ADGRL2: variants seen among roughly 807,000 people sequenced by gnomAD.
The protein encoded by ADGRL2 is adhesion G protein-coupled receptor L2.
ADGRL2 carries 44 observed loss-of-function variants against 157.4 expected under a neutral mutation model. That is an observed-to-expected ratio of 0.28 (90% CI 0.22 to 0.36). ADGRL2 has a LOEUF of 0.36. Ranked by LOEUF, ADGRL2 falls within the 10% of genes least tolerant of loss-of-function variation. The probability of loss-of-function intolerance (pLI) is 1.00; values close to 1 mark genes in which losing one functional copy is unlikely to be tolerated. For synonymous variants in ADGRL2, 585 were observed against 624.7 expected (o/e 0.94, Z 0.95); for missense variants, 1,510 against 1,768.9 (o/e 0.85, Z 2.63).
At chr1:81,324,454 A>C (rs1660744179) in intron 1 of ADGRL2, among the ~76,000 whole-genome samples, 1 of 151,386 alleles carries the variant, frequency 6.6e-6, no homozygotes, top group Admixed American at 6.6e-5. Context: ...GGCTGAAGTG[A>C]GCCATGATTG....
At chr1:81,988,729 T>G (rs1318154830) in intron 23 of ADGRL2, among the ~76,000 whole-genome samples, 1 of 152,156 alleles carries the variant, frequency 6.6e-6, no homozygotes, top group Non-Finnish European at 1.5e-5. Context: ...TGATCACATA[T>G]TTATTGGTCA....
intron 2 of ADGRL2, among the ~76,000 whole-genome samples, chr1:81,767,396 A>G (rs1186637640): frequency 6.6e-6 from 1 of 152,172 alleles, no homozygotes; most frequent in African/African-American, 2.4e-5. Context: ...TTTGCTCCCT[A>G]GAGAATACTT....
intron 1 of ADGRL2, among the ~76,000 whole-genome samples, chr1:81,399,389 C>T (rs1315411658): frequency 6.6e-6 from 1 of 152,166 alleles, no homozygotes; most frequent in Non-Finnish European, 1.5e-5. Flanking sequence ...TTCCATCTTT[C>T]TTCCTTCTAG....
intron 3 of ADGRL2, among the ~76,000 whole-genome samples, chr1:81,624,545 GC>G (rs1358588507): frequency 6.8e-6 from 1 of 148,148 alleles, no homozygotes; most frequent in Non-Finnish European, 1.5e-5. Flanking sequence ...TTGTGCCACT[GC>G]CCCACCCCCC....
At chr1:81,685,348 C>T (rs116191228) in intron 3 of ADGRL2, among the ~76,000 whole-genome samples, 2,872 of 151,404 alleles carry the variant, frequency 0.019, 78 homozygotes, top group African/African-American at 0.066. Context: ...AGAGGTCTTT[C>T]GACTCCTTTG....
At chr1:81,537,556 A>C (rs1448109676) in intron 2 of ADGRL2, among the ~76,000 whole-genome samples, 2 of 151,894 alleles carry the variant, frequency 1.3e-5, no homozygotes, top group Non-Finnish European at 2.9e-5. Flanking sequence ...AAAGTGCTGG[A>C]ATTACAGATG....
chr1:81,645,968 C>T (rs2148820696), intron 3 of ADGRL2, among the ~76,000 whole-genome samples: 1 of 152,204 alleles, frequency 6.6e-6, no homozygotes, highest in South Asian at 2.1e-4. Flanking sequence ...GAGAGATTTC[C>T]ACACTCTAGC....
chr1:81,885,804 T>A (rs1017800618), intron 2 of ADGRL2, among the ~76,000 whole-genome samples: 2 of 152,204 alleles, frequency 1.3e-5, no homozygotes, highest in African/African-American at 4.8e-5. Flanking sequence ...GGGTTGAGAT[T>A]TCCATGAAGT....
Position 81,522,838 on chromosome 1 carries a change from T to C in ADGRL2, c.-247-58038T>C, listed in dbSNP as rs75236463. On this transcript the variant is annotated intron_variant, in intron 2 of 24. Coordinates refer to the ADGRL2 transcript ENST00000370721. ...ATTATCCAGTCCAATAAATTGAGTATACAAATTTTACTCTTACTCAACAAG... is the reference window on the plus strand; with the variant it reads ...ATTATCCAGTCCAATAAATTGAGTACACAAATTTTACTCTTACTCAACAAG... Among the ~76,000 whole-genome samples the C allele has an allele frequency of 6.6e-3, 1,007 of 152,322 alleles. 14 individuals carry two copies. The highest frequency in any genetic ancestry group is 0.023 in the African/African-American group (937 of 41,576).
chr1:81,497,140 A>T (rs565436494), intron 2 of ADGRL2, among the ~76,000 whole-genome samples: 1 of 152,272 alleles, frequency 6.6e-6, no homozygotes, highest in Admixed American at 6.5e-5. Context: ...TTTTGCCATA[A>T]CACTGTGTAG....
At chr1:81,804,231 C>T (rs1274107791) in intron 1 of ADGRL2, among the ~76,000 whole-genome samples, 1 of 152,118 alleles carries the variant, frequency 6.6e-6, no homozygotes, top group African/African-American at 2.4e-5. Context: ...GTCTCTCCCT[C>T]CACCCTTCCA....
chr1:81,840,235 T>G (rs2092512586), intron 2 of ADGRL2, among the ~76,000 whole-genome samples: 1 of 152,104 alleles, frequency 6.6e-6, no homozygotes, highest in African/African-American at 2.4e-5. Context: ...TGACTTTCAG[T>G]AGAAATCAAA....
intron 1 of ADGRL2, among the ~76,000 whole-genome samples, chr1:81,306,816 T>C (rs1659368051): frequency 6.6e-6 from 1 of 152,222 alleles, no homozygotes; most frequent in East Asian, 1.9e-4. Context: ...TTTCTCAGTA[T>C]GTTTTAACTT....
chr1:81,772,412 A>C (rs576806834), intron 2 of ADGRL2, among the ~76,000 whole-genome samples: 1 of 152,120 alleles, frequency 6.6e-6, no homozygotes, highest in Non-Finnish European at 1.5e-5. Context: ...TTTATGTACC[A>C]AGCTATACAA....
chr1:81,810,891 A>G (rs535789839), intron 1 of ADGRL2, among the ~76,000 whole-genome samples: 18 of 152,010 alleles, frequency 1.2e-4, no homozygotes, highest in African/African-American at 4.1e-4. Context: ...AAGGACATAT[A>G]ACTTTTTTGC....
chr1:81,472,655 G>T (rs12726593), intron 2 of ADGRL2, among the ~76,000 whole-genome samples: 1 of 151,804 alleles, frequency 6.6e-6, no homozygotes, highest in South Asian at 2.1e-4. Context: ...GGAAAGGAAA[G>T]GGAAAGGGAA....
chr1:81,636,379 C>T (rs932721804), intron 3 of ADGRL2, among the ~76,000 whole-genome samples: 3 of 151,902 alleles, frequency 2.0e-5, no homozygotes, highest in Non-Finnish European at 2.9e-5. Context: ...ACAAACATAT[C>T]TTATGGAGTA....
At chr1:81,921,724 C>T (rs1448908697) in intron 3 of ADGRL2, among the ~76,000 whole-genome samples, 1 of 152,186 alleles carries the variant, frequency 6.6e-6, no homozygotes, top group East Asian at 1.9e-4. Context: ...TTTCTGCTTT[C>T]ATTGTCACTT....
chr1:81,919,466 T>C (rs1232295344), intron 3 of ADGRL2, among the ~76,000 whole-genome samples: 2 of 152,080 alleles, frequency 1.3e-5, no homozygotes, highest in Non-Finnish European at 2.9e-5. Flanking sequence ...AGACTTTATA[T>C]GAAGAAAACT....
Sources: allele counts gnomAD v4.1 joint callset (sites outside exome capture counted in the v4.1 genomes callset), GRCh38; gene constraint gnomAD v4.1.1; transcripts MANE v1.5; gene names NCBI Gene and HGNC (gene_info 2026-07-23, HGNC 2026-07-21).